The following MTF2 variants were observed in gnomAD, a reference collection of about 807,000 sequenced individuals.
MTF2 encodes metal-response element-binding transcription factor 2.
In MTF2, 11 loss-of-function variants were observed where a neutral mutation model predicts 79.5. That is an observed-to-expected ratio of 0.14 (90% CI 0.09 to 0.23). The LOEUF is 0.23. Ranked by LOEUF, MTF2 falls within the 10% of genes least tolerant of loss-of-function variation. The pLI, the probability that MTF2 is intolerant of heterozygous loss-of-function variation, is 1.00. For missense variants in MTF2, 486 were observed against 711.2 expected, an observed-to-expected ratio of 0.68 and a Z score of 3.60; for synonymous variants, 208 against 232.8, an observed-to-expected ratio of 0.89 and a Z score of 0.97.
chr1:93,092,479 T>G (rs488345), intron 1 of MTF2, among the ~76,000 whole-genome samples: 122,013 of 152,172 alleles, frequency 0.8, 51,656 homozygotes, highest in East Asian at 0.93. Flanking sequence ...GTAGTTTCTT[T>G]TCTGTTCCCT....
At chr1:93,089,555 T>TA (rs997163031) in intron 1 of MTF2, among the ~76,000 whole-genome samples, 8 of 150,956 alleles carry the variant, frequency 5.3e-5, no homozygotes, top group South Asian at 2.1e-4. Flanking sequence ...ATTCTGCCTT[T>TA]AAAAAAAAAG....
intron 1 of MTF2, among the ~76,000 whole-genome samples, chr1:93,098,369 T>C (rs1384501962): frequency 5.3e-5 from 8 of 152,226 alleles, no homozygotes; most frequent in Non-Finnish European, 1.2e-4. Context: ...GCATATAGTT[T>C]TTTTGGTGTG....
intron 1 of MTF2, among the ~76,000 whole-genome samples, chr1:93,105,641 T>C (rs1376047348): frequency 6.6e-6 from 1 of 151,906 alleles, no homozygotes; most frequent in Non-Finnish European, 1.5e-5. Flanking sequence ...CAAAAATGAT[T>C]TGTGAATGAA....
intron 1 of MTF2, among the ~76,000 whole-genome samples, chr1:93,088,628 C>T (rs1317439865): frequency 6.6e-6 from 1 of 152,072 alleles, no homozygotes; most frequent in Non-Finnish European, 1.5e-5. Flanking sequence ...TGCAGTGGTG[C>T]GATCTCGGCT....
intron 11 of MTF2, among the ~76,000 whole-genome samples, chr1:93,133,081 G>A (rs1357659896): frequency 2.0e-5 from 3 of 151,616 alleles, no homozygotes; most frequent in African/African-American, 7.3e-5. Context: ...TGGTTTTCTA[G>A]GTCTTTCTGA....
intron 1 of MTF2, among the ~76,000 whole-genome samples, chr1:93,090,964 A>G (rs531741693): frequency 7.9e-5 from 12 of 151,962 alleles, no homozygotes; most frequent in African/African-American, 2.9e-4. Flanking sequence ...CACCCAGCCT[A>G]TTTTTCCTAG....
At chr1:93,107,197 A>G (rs1655830361) in intron 1 of MTF2, among the ~76,000 whole-genome samples, 1 of 152,006 alleles carries the variant, frequency 6.6e-6, no homozygotes, top group South Asian at 2.1e-4. Context: ...CGTACCCCCA[A>G]ACCTTATTTC....
chr1:93,116,673 T>A (rs1015837687), intron 6 of MTF2, among the ~76,000 whole-genome samples: 1 of 151,998 alleles, frequency 6.6e-6, no homozygotes, highest in Non-Finnish European at 1.5e-5. Flanking sequence ...GCTAGTTTTT[T>A]AAGTTTTTTT....
intron 8 of MTF2, chr1:93,120,341 C>G: frequency 2.2e-5 from 6 of 268,058 alleles, no homozygotes; most frequent in Non-Finnish European, 2.7e-5. Flanking sequence ...CATATATCTT[C>G]TAGTTTATAG....
Position 93,121,751 on chromosome 1 carries a change from T to C in MTF2, c.921+1079T>C, listed in dbSNP as rs562197698. On this transcript the variant is annotated intron_variant, in intron 9 of 14. Transcript: ENST00000370298. ...AAGTTTTCTGTTAAATACTTTTTTT[T>C]TAGATGAAGTCTGAGAGAAAGTGAG... The C allele has an allele frequency of 2.1e-5, 19 of 919,994 alleles. 1 individual carries two copies. The African/African-American group carries it at 2.9e-4, about 14-fold the overall frequency. 57.0% of individuals were successfully genotyped at this position (919,994 alleles called of 1,614,324 possible).
intron 13 of MTF2, 32 bp downstream of exon 13, chr1:93,134,012 G>T: frequency 6.4e-7 from 1 of 1,558,584 alleles, no homozygotes; most frequent in East Asian, 2.2e-5. Flanking sequence ...CCCTTTCTAG[G>T]TTTTGTCTTT....
chr1:93,101,985 C>A (rs1655567194), intron 1 of MTF2, among the ~76,000 whole-genome samples: 1 of 152,116 alleles, frequency 6.6e-6, no homozygotes, highest in Non-Finnish European at 1.5e-5. Flanking sequence ...CGTTGTATAA[C>A]AACTACCTCT....
chr1:93,118,200 T>C (rs1656329092), intron 6 of MTF2, 145 bp from the exon 7 acceptor site: 2 of 450,992 alleles, frequency 4.4e-6, no homozygotes, highest in South Asian at 6.2e-5. Context: ...AAAGGAAATA[T>C]TTACAGTAAG....
At chr1:93,108,571 A>G (rs1276743855) in intron 1 of MTF2, among the ~76,000 whole-genome samples, 2 of 146,066 alleles carry the variant, frequency 1.4e-5, no homozygotes, top group Admixed American at 1.4e-4. Context: ...GTTTCCCTGT[A>G]CGTGATATAT....
intron 1 of MTF2, among the ~76,000 whole-genome samples, chr1:93,080,343 C>CT (rs1654552630): frequency 6.6e-6 from 1 of 152,146 alleles, no homozygotes; most frequent in Non-Finnish European, 1.5e-5. Context: ...AACTCTAACT[C>CT]TGTGTTTTAC....
chr1:93,134,972 T>C (rs992623045), intron 14 of MTF2, among the ~76,000 whole-genome samples: 2 of 152,106 alleles, frequency 1.3e-5, no homozygotes, highest in African/African-American at 4.8e-5. Context: ...TTTTTGTTTA[T>C]TGTTTATTTT....
At chr1:93,119,299 G>A (rs1330651156) in intron 7 of MTF2, 34 bp from the exon 8 acceptor site, 1 of 1,414,314 alleles carries the variant, frequency 7.1e-7, no homozygotes, top group Admixed American at 2.1e-5. Context: ...TGATGACTCA[G>A]TATAAAACTT....
chr1:93,105,409 TGG>T (rs1655731115), intron 1 of MTF2, among the ~76,000 whole-genome samples: 1 of 152,178 alleles, frequency 6.6e-6, no homozygotes, highest in Non-Finnish European at 1.5e-5. Context: ...TGAATGCTAA[TGG>T]GAGGGTGCCC....
At chr1:93,111,816 A>G (rs1479234542) in intron 3 of MTF2, among the ~76,000 whole-genome samples, 3 of 152,180 alleles carry the variant, frequency 2.0e-5, no homozygotes, top group African/African-American at 4.8e-5. Flanking sequence ...ACACAAAATT[A>G]TTCTTTTTTC....
Sources: gnomAD v4.1 joint callset for allele counts (sites outside exome capture counted in the v4.1 genomes callset) on GRCh38, gnomAD v4.1.1 for gene constraint, MANE v1.5 for transcripts, NCBI Gene and HGNC (gene_info 2026-07-23, HGNC 2026-07-21) for gene names.